The following FBF1 variants were observed in gnomAD, a reference collection of about 807,000 sequenced individuals.
FBF1 encodes the protein fas-binding factor 1.
Under a neutral mutation model 147.2 loss-of-function variants are expected in FBF1, and 119 were observed. The observed-to-expected ratio is 0.81, with a 90% CI of 0.70 to 0.94. FBF1 has a LOEUF of 0.94. FBF1 is among the 40% of genes least tolerant of loss of function. FBF1 has a pLI of 0.00. For missense variants in FBF1, 1,449 were observed against 1,500.8 expected (o/e 0.97, Z 0.57); for synonymous variants, 601 against 609.0 (o/e 0.99, Z 0.19).
chr17:75,927,426 C>T, intron 9 of FBF1, 29 bp downstream of exon 9: 3 of 1,556,004 alleles, frequency 1.9e-6, no homozygotes, highest in Non-Finnish European at 2.6e-6. Flanking sequence ...ACCAGAGTGT[C>T]CCAGAGGCAT....
intron 6 of FBF1, chr17:75,930,270 G>A: frequency 1.7e-6 from 1 of 581,346 alleles, no homozygotes; most frequent in Non-Finnish European, 3.1e-6. Context: ...AGAGAGCACT[G>A]CCATTCCTAC....
chr17:75,931,692 G>A (rs1345680046), intron 5 of FBF1, among the ~76,000 whole-genome samples: 1 of 151,954 alleles, frequency 6.6e-6, no homozygotes, highest in South Asian at 2.1e-4. Flanking sequence ...GCTGAGGCAG[G>A]AGAATCACTT....
rs3837792 is a variant in FBF1 at position 75,910,072 on chromosome 17, AG to A, written c.*650del. ...CCGCCGGTGGGGCACCCAGATGGGG[AG>A]GAAGCTGAGGAGGCCACTGTTCACC... On this transcript the variant is annotated 3_prime_UTR_variant, in exon 30 of 30. Coordinates refer to ENST00000636174, the MANE Select transcript of FBF1 (RefSeq NM_001319193.2). The surrounding 1 kb of genome is among the most constrained non-coding windows in gnomAD (Gnocchi z 4.1). 1,006 of 609,008 alleles carry A rather than the reference AG, an allele frequency of 1.7e-3. 19 individuals carry two copies. In the East Asian group the frequency reaches 0.032, roughly 19 times the overall value. 37.7% of individuals were successfully genotyped at this position (609,008 alleles called of 1,614,324 possible).
chr17:75,920,838 G>T (rs1040424601), intron 17 of FBF1, among the ~76,000 whole-genome samples: 2 of 151,856 alleles, frequency 1.3e-5, no homozygotes, highest in South Asian at 2.1e-4. Flanking sequence ...CCTGGGGGGG[G>T]GGGGGGCACA....
At chr17:75,938,822 T>C (rs908331722) in intron 1 of FBF1, among the ~76,000 whole-genome samples, 2 of 149,306 alleles carry the variant, frequency 1.3e-5, no homozygotes, top group African/African-American at 5.0e-5. Flanking sequence ...GCTGAGATCA[T>C]GCTATGCATT....
rs1051819931 is a variant in FBF1, at chr17:75,912,207, C to T, written c.3348G>A (p.Arg1116=). 1.2e-6 allele frequency: 2 copies of T among 1,609,118 alleles called. No individual in the cohort carries two copies. Among genetic ancestry groups the T allele is most frequent in the Non-Finnish European group, 1.7e-6 (2 of 1,178,374 alleles). The change falls in exon 29 of 30, where the codon AGG becomes AGA. Residue 1116 remains arginine, a synonymous_variant. Coordinates refer to ENST00000636174, the MANE Select transcript of FBF1 (RefSeq NM_001319193.2). ...AGAGACTCACCTGCTCTGCCATGTG[C>T]CTCAGCAGTGCCAGCCTGGCATGGA... ...LHLHARLALL[R]HMAEQDRDFL... is the part of the protein sequence containing the mutation.
chr17:75,916,466 C>G (rs901094116), intron 23 of FBF1, among the ~76,000 whole-genome samples: 1 of 151,952 alleles, frequency 6.6e-6, no homozygotes, highest in Non-Finnish European at 1.5e-5. Context: ...GTAAAAAATA[C>G]ACAATTAGCT....
chr17:75,917,806 C>A lies in FBF1; in HGVS notation c.2431G>T (p.Glu811Ter). ...ATGACCTCCTGTTGCCGGCTCCGCT[C>A]CTCCTCCATGTCCCGCTGCTGCTGG... ...LGQQQRDMEE[E>*]RSRQQEVIGK... is the part of the protein sequence containing the mutation. The change falls in exon 23 of 30, where the codon GAG (glutamate) becomes TAG (stop). Residue 811 changes from glutamate (E) to a stop codon, truncating the protein, a stop_gained. Transcript: ENST00000636174. LOFTEE classifies it high-confidence loss of function. 1.2e-6 allele frequency: 2 copies of A among 1,609,656 alleles called. No homozygotes were observed. Among genetic ancestry groups the A allele is most frequent in the Non-Finnish European group, 1.7e-6 (2 of 1,178,938 alleles).
At position 75,914,907 on chromosome 17, in the gene FBF1, G is replaced by A. The variant is rs369144467; in HGVS notation, c.2654C>T (p.Ser885Phe). ...CTCCTCCCCGCACTTGAGCATGACA[G>A]ACTTCTGCTCCTCCAGCAAGGCGCT... ...AKSALLEEQK[S>F]VMLKCGEERR... Residue 885 changes from serine to phenylalanine, a missense_variant, in exon 25 of 30, where the codon TCT (serine) becomes TTT (phenylalanine). Ser to Phe is a radical substitution (Grantham distance 155). Coordinates refer to ENST00000636174, the MANE Select transcript of FBF1 (RefSeq NM_001319193.2). The A allele has an allele frequency of 4.3e-6, 7 of 1,612,216 alleles. No homozygotes were observed. Among genetic ancestry groups the A allele is most frequent in the Admixed American group, 1.7e-5 (1 of 59,974 alleles).
At chr17:75,926,557 C>T (rs943023396) in intron 10 of FBF1, 131 bp from the exon 11 acceptor site, 10 of 1,387,158 alleles carry the variant, frequency 7.2e-6, no homozygotes, top group South Asian at 4.5e-5. Context: ...GGTCTGTCCA[C>T]GGGACCCAAT....
rs1377483679 is a variant in FBF1 at position 75,925,163 on chromosome 17, CTCTG to C, written c.968+180_968+183del. ...GTTCCCACTGGGGCCATCTCCTCCA[CTCTG>C]TCTGGGCTGGCGGGACCAGGCCATC... is the stretch of plus-strand genomic sequence containing the variant. On this transcript the variant is annotated intron_variant, in intron 13 of 29. Coordinates refer to ENST00000636174, the MANE Select transcript of FBF1 (RefSeq NM_001319193.2). The surrounding 1 kb of genome is among the most constrained non-coding windows in gnomAD (Gnocchi z 5.0). 2.0e-5 allele frequency among the ~76,000 whole-genome samples: 3 copies of C among 152,232 alleles called. No individual in the cohort carries two copies. Among genetic ancestry groups the C allele is most frequent in the East Asian group, 1.9e-4 (1 of 5,194 alleles).
chr17:75,935,677 G>C lies in FBF1; in HGVS notation c.32-4C>G. ...CCAAGAAAATCATCAATGGAGCCTG[G>C]AACAGAAAAGGGACTGTCATGACTT... On this transcript the variant is annotated splice_region_variant and splice_polypyrimidine_tract_variant and intron_variant, in intron 3 of 29. Transcript: ENST00000636174. 1 of 1,536,948 alleles carries C rather than the reference G, an allele frequency of 6.5e-7. No homozygotes were observed. The highest frequency in any genetic ancestry group is 8.7e-7 in the Non-Finnish European group (1 of 1,146,792).
chr17:75,931,390 T>C, intron 5 of FBF1, 101 bp from the exon 6 acceptor site: 1 of 1,023,328 alleles, frequency 9.8e-7, no homozygotes, highest in Non-Finnish European at 1.5e-6. Context: ...CTCGGATAGG[T>C]CTCTCCGGAG....
In FBF1 at chr17:75,923,165, C is replaced by T. The variant is rs1423370129; in HGVS notation, c.1424+21G>A. The T allele has an allele frequency of 1.2e-5, 19 of 1,543,504 alleles. No individual in the cohort carries two copies. The highest frequency in any genetic ancestry group is 2.1e-4 in the Middle Eastern group (1 of 4,774). Reference sequence around the variant, plus strand: ...CCCAGCCAGTCCTCCCCCTACTAGCCACAGCAGCCTAAGTCAGTACCTGCC... The same window carrying T: ...CCCAGCCAGTCCTCCCCCTACTAGCTACAGCAGCCTAAGTCAGTACCTGCC... On this transcript the variant is annotated intron_variant, in intron 14 of 29. Transcript: ENST00000636174. The surrounding 1 kb of genome is among the most constrained non-coding windows in gnomAD (Gnocchi z 4.1).
chr17:75,928,722 C>T lies in FBF1; in HGVS notation c.280-529G>A, dbSNP rs560354233. Among the ~76,000 whole-genome samples the T allele has an allele frequency of 4.6e-5, 7 of 152,022 alleles. 2 individuals carry two copies. In the South Asian group the frequency reaches 1.0e-3, roughly 23 times the overall value. On this transcript the variant is annotated intron_variant, in intron 7 of 29. Transcript: ENST00000636174. The surrounding 1 kb of genome is among the most constrained non-coding windows in gnomAD (Gnocchi z 4.2). ...ACTTGGGAGGCTGAGGTAGGAGAAT[C>T]GCTTGAACCTGGGAGGTGGAGGTTG...
At chr17:75,917,392 G>A (rs1157615763) in intron 23 of FBF1, among the ~76,000 whole-genome samples, 1 of 152,268 alleles carries the variant, frequency 6.6e-6, no homozygotes, top group African/African-American at 2.4e-5. Flanking sequence ...CCCAATGTCA[G>A]GCCTCAGCTA....
intron 28 of FBF1, among the ~76,000 whole-genome samples, chr17:75,912,896 C>T (rs943921812): frequency 2.0e-5 from 3 of 151,982 alleles, no homozygotes; most frequent in Non-Finnish European, 4.4e-5. Context: ...CAGAATTAGC[C>T]AGGCATGGTA....
At chr17:75,916,325 A>AT (rs2065488972) in intron 23 of FBF1, among the ~76,000 whole-genome samples, 12 of 143,512 alleles carry the variant, frequency 8.4e-5, no homozygotes, top group South Asian at 6.6e-4. Flanking sequence ...CTCTAAAAAA[A>AT]ATTTTTTTTT....
intron 5 of FBF1, among the ~76,000 whole-genome samples, chr17:75,932,704 G>A (rs1468584277): frequency 6.6e-6 from 1 of 152,082 alleles, no homozygotes; most frequent in African/African-American, 2.4e-5. Flanking sequence ...TGACCAATAT[G>A]GTGAAACCTT....
Sources: allele counts gnomAD v4.1 joint callset (sites outside exome capture counted in the v4.1 genomes callset), GRCh38; gene constraint gnomAD v4.1.1; non-coding constraint Gnocchi (gnomAD v3.1); transcripts MANE v1.5; gene names NCBI Gene and HGNC (gene_info 2026-07-23, HGNC 2026-07-21).